The following ZNF438 variants were observed in gnomAD, a reference collection of about 807,000 sequenced individuals.
ZNF438 encodes zinc finger protein 438.
Under a neutral mutation model 38.0 loss-of-function variants are expected in ZNF438, and 25 were observed. The ratio of observed to expected loss-of-function variants is 0.66; its 90% CI spans 0.48 to 0.92. The LOEUF is 0.92. ZNF438 is among the 40% of genes least tolerant of loss of function. ZNF438 has a pLI of 0.00. For synonymous variants in ZNF438, 372 were observed against 364.1 expected, an observed-to-expected ratio of 1.02 and a Z score of -0.25; for missense variants, 1,007 against 999.6, an observed-to-expected ratio of 1.01 and a Z score of -0.10.
chr10:30,916,080 C>T (rs1172603619), intron 2 of ZNF438, among the ~76,000 whole-genome samples: 1 of 152,016 alleles, frequency 6.6e-6, no homozygotes, highest in Non-Finnish European at 1.5e-5. Context: ...AAGATTTATA[C>T]TGTACCAATA....
Position 30,849,599 on chromosome 10 carries a change from A to G in ZNF438, c.806T>C (p.Met269Thr), listed in dbSNP as rs1238717498. The change falls in exon 5 of 6, where the codon ATG becomes ACG. Residue 269 changes from methionine to threonine, a missense_variant. Physicochemically the swap from Met to Thr is moderately conservative, Grantham distance 81. Coordinates refer to ENST00000413025, the Ensembl canonical transcript of ZNF438. ...AAGAATGGTTGGTGATAAATTGGTC[A>G]TGGTTTTTGCAAGATCAACTTGTTC... 1.9e-6 allele frequency: 3 copies of G among 1,614,226 alleles called. No individual in the cohort carries two copies. Among genetic ancestry groups the G allele is most frequent in the Admixed American group, 1.7e-5 (1 of 60,020 alleles).
intron 3 of ZNF438, among the ~76,000 whole-genome samples, chr10:30,890,827 A>G (rs982803992): frequency 1.4e-4 from 22 of 152,248 alleles, no homozygotes; most frequent in Non-Finnish European, 2.9e-5. Context: ...TAACATGCTT[A>G]TAATTTCACT....
At chr10:30,899,946 G>C (rs2041793977) in intron 3 of ZNF438, among the ~76,000 whole-genome samples, 1 of 152,176 alleles carries the variant, frequency 6.6e-6, no homozygotes, top group South Asian at 2.1e-4. Flanking sequence ...TTTTGTCAAA[G>C]TAGGGCAGTA....
chr10:30,933,928 C>T (rs542545480), intron 2 of ZNF438, among the ~76,000 whole-genome samples: 75 of 152,114 alleles, frequency 4.9e-4, no homozygotes, highest in African/African-American at 1.5e-3. Flanking sequence ...GGGTGAATCA[C>T]GAGGTCAGGA....
intron 4 of ZNF438, among the ~76,000 whole-genome samples, chr10:30,859,668 C>T (rs2035263688): frequency 6.6e-6 from 1 of 152,076 alleles, no homozygotes. Flanking sequence ...TACAAAGGTC[C>T]CTGTCAGGAT....
chr10:30,953,266 A>G (rs1351723816), intron 1 of ZNF438, among the ~76,000 whole-genome samples: 1 of 151,558 alleles, frequency 6.6e-6, no homozygotes, highest in African/African-American at 2.4e-5. Flanking sequence ...GTGGGGGTAG[A>G]GGGGAGGGAT....
intron 4 of ZNF438, among the ~76,000 whole-genome samples, chr10:30,851,469 T>TC (rs1204997155): frequency 6.6e-6 from 1 of 152,258 alleles, no homozygotes; most frequent in African/African-American, 2.4e-5. Flanking sequence ...CCAATCATTA[T>TC]CCCAGGATTG....
chr10:30,878,540 A>C (rs1023138300), intron 3 of ZNF438, among the ~76,000 whole-genome samples: 5 of 151,976 alleles, frequency 3.3e-5, no homozygotes, highest in African/African-American at 9.7e-5. Context: ...TGGACACCAC[A>C]CAAGGGCTTG....
intron 2 of ZNF438, among the ~76,000 whole-genome samples, chr10:30,931,252 C>A (rs775577864): frequency 6.6e-6 from 1 of 152,200 alleles, no homozygotes; most frequent in East Asian, 1.9e-4. Flanking sequence ...TGAAAAATGA[C>A]AAATAATGAA....
intron 1 of ZNF438, among the ~76,000 whole-genome samples, chr10:30,949,601 C>T (rs1050019202): frequency 1.5e-4 from 23 of 152,254 alleles, no homozygotes; most frequent in African/African-American, 5.3e-4. Context: ...GGTTGTAATA[C>T]TAGTCTCTGA....
intron 2 of ZNF438, among the ~76,000 whole-genome samples, chr10:30,931,980 G>A (rs1406963381): frequency 6.6e-6 from 1 of 152,132 alleles, no homozygotes; most frequent in Non-Finnish European, 1.5e-5. Context: ...GGGTAATAAC[G>A]TGCTCCCAAG....
At chr10:30,967,977 G>A (rs944906299) in intron 1 of ZNF438, among the ~76,000 whole-genome samples, 2 of 152,120 alleles carry the variant, frequency 1.3e-5, no homozygotes, top group Non-Finnish European at 2.9e-5. Flanking sequence ...ATACAAGCCA[G>A]GAGCAGAGAG....
At chr10:30,845,320 G>A in exon 6 of ZNF438, 2 of 1,614,104 alleles carry the variant, frequency 1.2e-6, no homozygotes, top group Non-Finnish European at 1.7e-6. Context: ...ACCTTCTCCG[G>A]CTTCCCTCTC....
intron 4 of ZNF438, among the ~76,000 whole-genome samples, chr10:30,862,070 C>G (rs2035672486): frequency 6.6e-6 from 1 of 152,188 alleles, no homozygotes; most frequent in Non-Finnish European, 1.5e-5. Context: ...ACCTTGACAA[C>G]TGAACTCCAA....
At chr10:30,958,739 T>G (rs2049143005) in intron 1 of ZNF438, among the ~76,000 whole-genome samples, 2 of 146,870 alleles carry the variant, frequency 1.4e-5, no homozygotes, top group South Asian at 4.3e-4. Context: ...CAACCCCTAG[T>G]TCCCCTCTAA....
At chr10:30,983,594 A>T (rs2052461170) in intron 1 of ZNF438, among the ~76,000 whole-genome samples, 1 of 152,218 alleles carries the variant, frequency 6.6e-6, no homozygotes, top group African/African-American at 2.4e-5. Flanking sequence ...TTGGGCAGGG[A>T]CACAAATCCA....
At chr10:30,918,265 C>T (rs2043878751) in intron 2 of ZNF438, among the ~76,000 whole-genome samples, 1 of 152,132 alleles carries the variant, frequency 6.6e-6, no homozygotes, top group African/African-American at 2.4e-5. Flanking sequence ...CAGTCTTTTA[C>T]ATTTCTATGT....
chr10:31,013,425 C>G (rs1202130248), intron 1 of ZNF438, among the ~76,000 whole-genome samples: 2 of 152,148 alleles, frequency 1.3e-5, no homozygotes, highest in Non-Finnish European at 2.9e-5. Flanking sequence ...CTCAGGCTCT[C>G]TGATGTCCCA....
At chr10:30,977,394 G>C (rs114247901) in intron 1 of ZNF438, among the ~76,000 whole-genome samples, 6 of 152,182 alleles carry the variant, frequency 3.9e-5, no homozygotes, top group African/African-American at 1.4e-4. Flanking sequence ...GGGAAGGTGT[G>C]TTTCACAAGA....
Sources: allele counts gnomAD v4.1 joint callset (sites outside exome capture counted in the v4.1 genomes callset), GRCh38; gene constraint gnomAD v4.1.1; transcripts MANE v1.5; gene names NCBI Gene and HGNC (gene_info 2026-07-23, HGNC 2026-07-21).